AHCTF1: variants seen among roughly 807,000 people sequenced by gnomAD.
AHCTF1 encodes protein ELYS.
AHCTF1 carries 24 observed loss-of-function variants against 248.4 expected under a neutral mutation model. That is an observed-to-expected ratio of 0.10 (90% CI 0.07 to 0.14). The LOEUF is 0.14. AHCTF1 is among the 10% of genes least tolerant of loss of function. The probability of loss-of-function intolerance (pLI) is 1.00; values close to 1 mark genes in which losing one functional copy is unlikely to be tolerated. For synonymous variants in AHCTF1, 786 were observed against 929.8 expected, an observed-to-expected ratio of 0.85 and a Z score of 2.81; for missense variants, 2,206 against 2,636.2, an observed-to-expected ratio of 0.84 and a Z score of 3.57.
chr1:246,878,396 C>CAAAAAAAAAAAAAAAAAAAAAAAAA (rs1199465751), intron 21 of AHCTF1, among the ~76,000 whole-genome samples: 1 of 30,784 alleles, frequency 3.2e-5, no homozygotes, highest in Non-Finnish European at 5.8e-5. Flanking sequence ...GATTCTGTCT[C>CAAAAAAAAAAAAAAAAAAAAAAAAA]AAAAAAAAAA....
intron 4 of AHCTF1, among the ~76,000 whole-genome samples, chr1:246,912,981 C>T (rs1014648113): frequency 3.3e-5 from 5 of 152,152 alleles, no homozygotes; most frequent in African/African-American, 1.2e-4. Flanking sequence ...TCAATTATCA[C>T]TACCTTTCTC....
rs2642990 is a variant in AHCTF1 at position 246,885,532 on chromosome 1, T to C, written c.2621A>G (p.Asn874Ser). ...QTMKPTVSSG[N>S]DVILHLTVLL... Reference sequence around the variant, plus strand: ...AACAGTGAGGTGAAGGATAACATCGTTACCACTGGACACTGTTGGCTTCAT... The same window carrying C: ...AACAGTGAGGTGAAGGATAACATCGCTACCACTGGACACTGTTGGCTTCAT... The change falls in exon 21 of 36, where the codon AAC becomes AGC. Residue 874 changes from asparagine (N) to serine (S), a missense_variant. Asn to Ser is a conservative substitution (Grantham distance 46). Coordinates refer to ENST00000648844, the MANE Select transcript of AHCTF1 (RefSeq NM_001323342.2). 849,692 of 1,595,788 alleles carry C rather than the reference T, an allele frequency of 0.53. 234,639 individuals carry two copies. The highest frequency in any genetic ancestry group is 0.91 in the African/African-American group (68,133 of 74,630).
chr1:246,898,359 G>A (rs1461922630), intron 11 of AHCTF1, 23 bp from the exon 12 acceptor site: 2 of 1,592,466 alleles, frequency 1.3e-6, no homozygotes, highest in Non-Finnish European at 1.7e-6. Flanking sequence ...AATTAGTAAG[G>A]CATCAATCAA....
chr1:246,896,839 G>C (rs1664609710), intron 12 of AHCTF1, among the ~76,000 whole-genome samples: 1 of 152,182 alleles, frequency 6.6e-6, no homozygotes, highest in Admixed American at 6.5e-5. Context: ...GGAATCCCAT[G>C]AATGTAAGTT....
rs542067808 is a variant in AHCTF1, at chr1:246,907,096, G to GTATA, written c.764+451_764+454dup. 2.2e-3 allele frequency among the ~76,000 whole-genome samples: 335 copies of GTATA among 152,296 alleles called. 2 individuals are homozygous for GTATA. Among genetic ancestry groups the GTATA allele is most frequent in the Non-Finnish European group, 2.4e-3 (166 of 68,030 alleles). On this transcript the variant is annotated intron_variant, in intron 5 of 35. Transcript: ENST00000648844. ...GCCTACTATATACCTAGGCTAGATG[G>GTATA]TATAGCCTGTTGCTCTTAGTCTACT...
intron 29 of AHCTF1, among the ~76,000 whole-genome samples, chr1:246,860,657 A>G (rs529975762): frequency 1.3e-5 from 2 of 152,230 alleles, no homozygotes; most frequent in African/African-American, 4.8e-5. Context: ...CACTCCCACC[A>G]TGCCTGGCTA....
intron 1 of AHCTF1, among the ~76,000 whole-genome samples, chr1:246,922,833 A>C (rs1022516042): frequency 2.9e-4 from 44 of 151,080 alleles, no homozygotes; most frequent in Non-Finnish European, 4.4e-4. Flanking sequence ...ATACAAAAAA[A>C]ATAGCCGGGC....
At chr1:246,855,086 A>AT (rs1283674395) in intron 31 of AHCTF1, among the ~76,000 whole-genome samples, 3 of 152,278 alleles carry the variant, frequency 2.0e-5, no homozygotes, top group East Asian at 1.9e-4. Context: ...GAACAAAGGC[A>AT]TAACAGTTGA....
intron 24 of AHCTF1, among the ~76,000 whole-genome samples, chr1:246,869,168 T>C (rs1662353554): frequency 6.6e-6 from 1 of 152,080 alleles, no homozygotes; most frequent in South Asian, 2.1e-4. Context: ...TTAAACAAAT[T>C]GAAGGTCTGT....
At chr1:246,861,318 G>T in intron 28 of AHCTF1, 23 bp from the exon 29 acceptor site, 2 of 1,568,652 alleles carry the variant, frequency 1.3e-6, no homozygotes, top group East Asian at 2.3e-5. Flanking sequence ...ATTTTGAAAA[G>T]AAAAAAATTA....
intron 14 of AHCTF1, among the ~76,000 whole-genome samples, chr1:246,892,301 CTTTTTTTTTTT>C (rs74163502): frequency 3.4e-3 from 219 of 64,972 alleles, no homozygotes; most frequent in Middle Eastern, 0.022. Flanking sequence ...ATTTGTTTTA[CTTTTTTTTTTT>C]TTTTTTTTTT....
chr1:246,840,969 G>A lies in AHCTF1; in HGVS notation c.6638C>T (p.Pro2213Leu), dbSNP rs755786671. 1.2e-6 allele frequency: 2 copies of A among 1,610,254 alleles called. No individual in the cohort carries two copies. Among genetic ancestry groups the A allele is most frequent in the South Asian group, 1.1e-5 (1 of 90,124 alleles). Residue 2213 changes from proline to leucine, a missense_variant, in exon 36 of 36, where the codon CCT (proline) becomes CTT (leucine). Physicochemically the swap from Pro to Leu is moderately conservative, Grantham distance 98. Coordinates refer to ENST00000648844, the MANE Select transcript of AHCTF1 (RefSeq NM_001323342.2). ...AATCAGCCGAATTTCTATGGGAGGA[G>A]GTGACCAAGCACTTTCTTTTTCTGT... ...KNTEKESAWS[P>L]PPIEIRLISP...
Position 246,862,172 on chromosome 1 carries a change from G to T in AHCTF1, c.3541-19C>A, listed in dbSNP as rs1661608178. On this transcript the variant is annotated intron_variant, in intron 27 of 35. Coordinates refer to ENST00000648844, the MANE Select transcript of AHCTF1 (RefSeq NM_001323342.2). ...TAGCTTTCTATAGTAAAGAGCAAAT[G>T]GAATTACACCATTAAAAGTGCTTAT... 6.3e-7 allele frequency: 1 copy of T among 1,592,986 alleles called. No homozygotes were observed. The highest frequency in any genetic ancestry group is 2.2e-5 in the East Asian group (1 of 44,500).
chr1:246,861,415 T>G (rs1042197387), intron 28 of AHCTF1, 120 bp from the exon 29 acceptor site: 5 of 928,158 alleles, frequency 5.4e-6, no homozygotes, highest in Non-Finnish European at 7.9e-6. Context: ...AATTCTCTCC[T>G]TAATAAAAAT....
chr1:246,892,971 T>A (rs2103145171), intron 14 of AHCTF1, among the ~76,000 whole-genome samples: 1 of 152,262 alleles, frequency 6.6e-6, no homozygotes, highest in South Asian at 2.1e-4. Context: ...ACACTTACTA[T>A]GCTTTGTATG....
At chr1:246,927,078 TGAG>T (rs1431131411) in intron 1 of AHCTF1, among the ~76,000 whole-genome samples, 1 of 149,986 alleles carries the variant, frequency 6.7e-6, no homozygotes, top group Non-Finnish European at 1.5e-5. Flanking sequence ...CCCGGGAGGC[TGAG>T]GAGGGAGAAT....
At chr1:246,889,670 T>C (rs1664082946) in intron 17 of AHCTF1, among the ~76,000 whole-genome samples, 1 of 152,184 alleles carries the variant, frequency 6.6e-6, no homozygotes, top group Non-Finnish European at 1.5e-5. Context: ...CTGCTCTAAA[T>C]GTTATATGCT....
intron 24 of AHCTF1, among the ~76,000 whole-genome samples, chr1:246,869,013 T>A (rs1317873990): frequency 6.6e-6 from 1 of 151,478 alleles, no homozygotes; most frequent in Non-Finnish European, 1.5e-5. Context: ...CCTGGCTAAC[T>A]TTTTCTATTT....
chr1:246,903,876 A>T (rs1309552232), intron 7 of AHCTF1, 73 bp downstream of exon 7: 35 of 1,211,632 alleles, frequency 2.9e-5, no homozygotes, highest in Non-Finnish European at 4.1e-5. Flanking sequence ...CAATATCTTA[A>T]AACAAAGACA....
Sources: allele counts gnomAD v4.1 joint callset (sites outside exome capture counted in the v4.1 genomes callset), GRCh38; gene constraint gnomAD v4.1.1; transcripts MANE v1.5; gene names NCBI Gene and HGNC (gene_info 2026-07-23, HGNC 2026-07-21).